SHISA9: variants seen among roughly 807,000 people sequenced by gnomAD.
SHISA9 encodes protein shisa-9.
A neutral mutation model predicts 38.0 loss-of-function variants in SHISA9; 13 were observed. The ratio of observed to expected loss-of-function variants is 0.34; its 90% CI spans 0.22 to 0.54. The LOEUF (loss-of-function observed/expected upper bound fraction) is 0.54. Among genes scored for constraint, SHISA9 ranks in the 20% least tolerant of loss-of-function variants. The pLI is 0.91. For missense variants in SHISA9, 538 were observed against 575.8 expected (o/e 0.93, Z 0.67); for synonymous variants, 275 against 242.0 (o/e 1.14, Z -1.27).
chr16:13,295,164 G>T, the SHISA9 span, among the ~76,000 whole-genome samples: 1 of 152,136 alleles, frequency 6.6e-6, no homozygotes, highest in Non-Finnish European at 1.5e-5. Context: ...AATTAGAAAT[G>T]CAGACTTTTG....
At chr16:13,281,875 C>T in the SHISA9 span, among the ~76,000 whole-genome samples, 1 of 151,650 alleles carries the variant, frequency 6.6e-6, no homozygotes, top group Non-Finnish European at 1.5e-5. Context: ...ATACTTCCAA[C>T]AGTATAATTT....
At chr16:13,268,371 G>C in the SHISA9 span, among the ~76,000 whole-genome samples, 2 of 152,294 alleles carry the variant, frequency 1.3e-5, no homozygotes, top group Admixed American at 1.3e-4. Flanking sequence ...TTAGCTGGAT[G>C]TGGTGGCACA....
At chr16:13,122,341 G>A (rs1178169115) in intron 2 of SHISA9, among the ~76,000 whole-genome samples, 1 of 152,094 alleles carries the variant, frequency 6.6e-6, no homozygotes, top group Non-Finnish European at 1.5e-5. Context: ...ACCAACAATT[G>A]TTCCTGCCTC....
At chr16:13,208,913 G>A (rs1205511144) in intron 3 of SHISA9, among the ~76,000 whole-genome samples, 1 of 152,116 alleles carries the variant, frequency 6.6e-6, no homozygotes, top group Non-Finnish European at 1.5e-5. Context: ...TACCATATGA[G>A]AAGCACCTTA....
chr16:13,124,467 G>C (rs183162539), intron 2 of SHISA9, among the ~76,000 whole-genome samples: 125 of 152,266 alleles, frequency 8.2e-4, no homozygotes, highest in Non-Finnish European at 1.5e-3. Context: ...GCCGTTCACT[G>C]TTAGCAGTTT....
intron 2 of SHISA9, among the ~76,000 whole-genome samples, chr16:13,198,774 T>C (rs986969996): frequency 3.3e-5 from 5 of 152,224 alleles, no homozygotes; most frequent in Non-Finnish European, 7.3e-5. Flanking sequence ...GAATATTCAG[T>C]GCCTGGAAGC....
intron 2 of SHISA9, among the ~76,000 whole-genome samples, chr16:13,166,289 T>C (rs1171625784): frequency 6.6e-6 from 1 of 152,238 alleles, no homozygotes; most frequent in Non-Finnish European, 1.5e-5. Context: ...GCTTCCATCG[T>C]TCCTTCTACC....
chr16:13,249,049 A>C, the SHISA9 span, among the ~76,000 whole-genome samples: 21 of 152,334 alleles, frequency 1.4e-4, no homozygotes, highest in South Asian at 4.4e-3. Context: ...AATTTCTCCA[A>C]GAGTCTCAGG....
chr16:13,078,533 G>C (rs1205350446), intron 2 of SHISA9, among the ~76,000 whole-genome samples: 1 of 152,084 alleles, frequency 6.6e-6, no homozygotes, highest in Non-Finnish European at 1.5e-5. Flanking sequence ...AGCCACTGGA[G>C]TAGCTGGGAT....
chr16:13,131,039 T>C (rs2050301800), intron 2 of SHISA9, among the ~76,000 whole-genome samples: 1 of 152,192 alleles, frequency 6.6e-6, no homozygotes, highest in Admixed American at 6.5e-5. Context: ...TCAACCATTG[T>C]GGAAGACAGT....
chr16:12,929,087 A>G (rs1250416830), intron 2 of SHISA9, among the ~76,000 whole-genome samples: 2 of 152,234 alleles, frequency 1.3e-5, no homozygotes, highest in Non-Finnish European at 1.5e-5. Context: ...AGCCACAATG[A>G]GATACCATCT....
intron 2 of SHISA9, among the ~76,000 whole-genome samples, chr16:13,019,781 TTTCTTTCTTTC>T (rs1567183788): frequency 8.9e-5 from 10 of 112,196 alleles, no homozygotes; most frequent in Admixed American, 3.6e-4. Flanking sequence ...TCTTTCTTTC[TTTCTTTCTTTC>T]TTTCTTTCTT....
chr16:13,454,941 A>G, the SHISA9 span, among the ~76,000 whole-genome samples: 1 of 152,120 alleles, frequency 6.6e-6, no homozygotes, highest in East Asian at 1.9e-4. Context: ...ACCCCACTCT[A>G]TTTAGTGGAA....
chr16:13,040,550 C>T (rs1032877257), intron 2 of SHISA9, among the ~76,000 whole-genome samples: 1 of 152,190 alleles, frequency 6.6e-6, no homozygotes, highest in Non-Finnish European at 1.5e-5. Flanking sequence ...TGATCTCACT[C>T]ATTTGCATGT....
At chr16:13,166,020 C>T (rs2050632547) in intron 2 of SHISA9, among the ~76,000 whole-genome samples, 1 of 152,138 alleles carries the variant, frequency 6.6e-6, no homozygotes, top group Admixed American at 6.6e-5. Flanking sequence ...CATGGGAAGC[C>T]ATCCTCATAG....
chr16:13,321,107 C>G, the SHISA9 span, among the ~76,000 whole-genome samples: 1 of 152,186 alleles, frequency 6.6e-6, no homozygotes, highest in African/African-American at 2.4e-5. Context: ...CTAATGGTTA[C>G]TACATTGGAC....
the SHISA9 span, among the ~76,000 whole-genome samples, chr16:13,360,640 C>T: frequency 1.3e-5 from 2 of 152,138 alleles, no homozygotes; most frequent in African/African-American, 4.8e-5. Context: ...TATAAATTAC[C>T]CAGTCTCGGG....
chr16:13,439,259 C>T, the SHISA9 span, among the ~76,000 whole-genome samples: 1 of 152,082 alleles, frequency 6.6e-6, no homozygotes, highest in Admixed American at 6.6e-5. Flanking sequence ...TCAAAGGGAA[C>T]AAACTTTCAA....
chr16:13,125,421 T>A (rs557931817), intron 2 of SHISA9, among the ~76,000 whole-genome samples: 1 of 152,332 alleles, frequency 6.6e-6, no homozygotes, highest in African/African-American at 2.4e-5. Context: ...AGTGTGTCTT[T>A]GGGCAGGTAG....
Sources: allele counts gnomAD v4.1 joint callset (sites outside exome capture counted in the v4.1 genomes callset), GRCh38; gene constraint gnomAD v4.1.1; transcripts MANE v1.5; gene names NCBI Gene and HGNC (gene_info 2026-07-23, HGNC 2026-07-21).